OPCML: variants seen among roughly 807,000 people sequenced by gnomAD.
The protein encoded by OPCML is opioid binding protein/cell adhesion molecule like.
A neutral mutation model predicts 37.8 loss-of-function variants in OPCML; 13 were observed. The observed-to-expected ratio is 0.34, with a 90% confidence interval of 0.22 to 0.55. OPCML has a LOEUF of 0.55. OPCML is among the 20% of genes least tolerant of loss of function. OPCML has a pLI of 0.91. For missense variants in OPCML, 341 were observed against 435.6 expected, an observed-to-expected ratio of 0.78 and a Z score of 1.93; for synonymous variants, 176 against 168.8, an observed-to-expected ratio of 1.04 and a Z score of -0.33.
chr11:132,913,495 A>G (rs1362568434), intron 2 of OPCML, among the ~76,000 whole-genome samples: 1 of 152,190 alleles, frequency 6.6e-6, no homozygotes, highest in East Asian at 1.9e-4. Flanking sequence ...TTCACTTCAC[A>G]TTCCCCCTTT....
chr11:133,394,529 C>A (rs1945246105), intron 1 of OPCML, among the ~76,000 whole-genome samples: 1 of 152,150 alleles, frequency 6.6e-6, no homozygotes, highest in African/African-American at 2.4e-5. Flanking sequence ...TTTGTAACAA[C>A]TAAACATCCC....
intron 1 of OPCML, among the ~76,000 whole-genome samples, chr11:133,277,729 A>T (rs1346104590): frequency 6.6e-6 from 1 of 152,240 alleles, no homozygotes; most frequent in Non-Finnish European, 1.5e-5. Flanking sequence ...ATGTGTGTGT[A>T]TATATATGTG....
chr11:133,269,992 G>A (rs904593388), intron 1 of OPCML, among the ~76,000 whole-genome samples: 1 of 152,094 alleles, frequency 6.6e-6, no homozygotes, highest in Non-Finnish European at 1.5e-5. Flanking sequence ...ATACAAGAAG[G>A]CTTAAATAAA....
At chr11:132,621,033 G>A (rs1385772699) in intron 3 of OPCML, among the ~76,000 whole-genome samples, 5 of 152,206 alleles carry the variant, frequency 3.3e-5, no homozygotes, top group Non-Finnish European at 7.3e-5. Flanking sequence ...CAGAATCTGA[G>A]GACCCATGTA....
intron 3 of OPCML, among the ~76,000 whole-genome samples, chr11:132,632,653 T>G (rs1014220796): frequency 2.6e-5 from 4 of 152,098 alleles, no homozygotes; most frequent in Non-Finnish European, 5.9e-5. Context: ...CTCCTTTTGG[T>G]CTTTTTCTGC....
At chr11:133,372,895 C>A (rs1329695222) in intron 1 of OPCML, among the ~76,000 whole-genome samples, 1 of 152,156 alleles carries the variant, frequency 6.6e-6, no homozygotes, top group South Asian at 2.1e-4. Flanking sequence ...ATAAGTTATA[C>A]ATTAGTTGTT....
At chr11:133,236,947 G>A (rs1044799077) in intron 1 of OPCML, among the ~76,000 whole-genome samples, 4 of 152,156 alleles carry the variant, frequency 2.6e-5, no homozygotes, top group Admixed American at 6.5e-5. Context: ...ATGTACTCTC[G>A]TGGCAAAACT....
intron 1 of OPCML, among the ~76,000 whole-genome samples, chr11:133,016,123 T>C (rs1947330570): frequency 6.6e-6 from 1 of 152,350 alleles, no homozygotes; most frequent in African/African-American, 2.4e-5. Context: ...TTTTCTATCG[T>C]TGTATAAGAA....
chr11:133,483,625 T>C (rs1285199150), intron 1 of OPCML, among the ~76,000 whole-genome samples: 2 of 151,328 alleles, frequency 1.3e-5, no homozygotes, highest in African/African-American at 4.8e-5. Flanking sequence ...GATAGATAAA[T>C]AGATATATAG....
At chr11:132,939,911 A>T (rs1945520813) in intron 2 of OPCML, among the ~76,000 whole-genome samples, 1 of 152,262 alleles carries the variant, frequency 6.6e-6, no homozygotes, top group Non-Finnish European at 1.5e-5. Context: ...AATCAGATTC[A>T]TGGAAGCTAT....
At chr11:133,387,514 G>C (rs1945080937) in intron 1 of OPCML, among the ~76,000 whole-genome samples, 1 of 152,198 alleles carries the variant, frequency 6.6e-6, no homozygotes, top group African/African-American at 2.4e-5. Context: ...CTTGCTACCA[G>C]AGTTCTTCTA....
At chr11:132,558,592 C>T (rs1261102923) in intron 3 of OPCML, among the ~76,000 whole-genome samples, 1 of 147,414 alleles carries the variant, frequency 6.8e-6, no homozygotes, top group Non-Finnish European at 1.5e-5. Context: ...ACAAGTTTAC[C>T]TCTGTGGAAT....
chr11:133,229,010 C>A (rs753858486), intron 1 of OPCML, among the ~76,000 whole-genome samples: 13 of 152,130 alleles, frequency 8.5e-5, no homozygotes, highest in Non-Finnish European at 1.5e-4. Flanking sequence ...TGTGCTCAGG[C>A]CTTCTTATCA....
At chr11:132,782,827 T>TTA (rs1026860692) in intron 2 of OPCML, among the ~76,000 whole-genome samples, 2 of 149,788 alleles carry the variant, frequency 1.3e-5, no homozygotes, top group African/African-American at 4.9e-5. Context: ...TGTAGATACA[T>TTA]TATATCTCTA....
intron 4 of OPCML, among the ~76,000 whole-genome samples, chr11:132,515,710 A>T (rs1490440448): frequency 6.6e-6 from 1 of 152,162 alleles, no homozygotes; most frequent in African/African-American, 2.4e-5. Flanking sequence ...TCATACAGAG[A>T]AACAGCTTAT....
chr11:132,476,862 TAA>T (rs916148255), intron 4 of OPCML, among the ~76,000 whole-genome samples: 3 of 152,048 alleles, frequency 2.0e-5, no homozygotes, highest in Admixed American at 1.3e-4. Context: ...TAAAAAAAAT[TAA>T]AAAAAGTGTT....
intron 1 of OPCML, among the ~76,000 whole-genome samples, chr11:133,142,930 A>G (rs1949845739): frequency 6.6e-6 from 1 of 152,052 alleles, no homozygotes; most frequent in South Asian, 2.1e-4. Context: ...GCATCTTTCA[A>G]TGTGATTGTA....
chr11:132,889,303 C>G (rs1280559598), intron 2 of OPCML, among the ~76,000 whole-genome samples: 1 of 152,190 alleles, frequency 6.6e-6, no homozygotes, highest in South Asian at 2.1e-4. Flanking sequence ...CGGGCAAGTG[C>G]TACAAAGTTG....
Position 133,432,740 on chromosome 11 carries a change from G to A in OPCML, c.61+99524C>T, listed in dbSNP as rs939579591. Among the ~76,000 whole-genome samples the A allele has an allele frequency of 6.6e-5, 10 of 152,098 alleles. No individual in the cohort carries two copies. The South Asian group carries it at 1.7e-3, about 25-fold the overall frequency. ...TTTGTTTCTTTATTTTACATCCATG[G>A]TTCTCAAACTACAGGTGAAGGCATA... On this transcript the variant is annotated intron_variant, in intron 1 of 7. Transcript: ENST00000524381.
Sources: allele counts gnomAD v4.1 joint callset (sites outside exome capture counted in the v4.1 genomes callset), GRCh38; gene constraint gnomAD v4.1.1; transcripts MANE v1.5; gene names NCBI Gene and HGNC (gene_info 2026-07-23, HGNC 2026-07-21).